SCAI: variants seen among roughly 807,000 people sequenced by gnomAD.
The protein encoded by SCAI is suppressor of cancer cell invasion.
A neutral mutation model predicts 92.2 loss-of-function variants in SCAI; 24 were observed. The observed-to-expected ratio is 0.26, with a 90% CI of 0.19 to 0.37. The LOEUF is 0.37. Among genes scored for constraint, SCAI ranks in the 10% least tolerant of loss-of-function variants. SCAI has a pLI of 1.00. For synonymous variants in SCAI, 261 were observed against 258.6 expected (o/e 1.01, Z -0.09); for missense variants, 450 against 736.2 (o/e 0.61, Z 4.50).
At chr9:125,031,269 T>C (rs1018250357) in intron 3 of SCAI, among the ~76,000 whole-genome samples, 1 of 152,162 alleles carries the variant, frequency 6.6e-6, no homozygotes, top group East Asian at 1.9e-4. Flanking sequence ...GGTCACTTTT[T>C]TTTTTTTTTG....
intron 3 of SCAI, among the ~76,000 whole-genome samples, chr9:125,044,979 A>G (rs913424120): frequency 6.6e-6 from 1 of 152,202 alleles, no homozygotes; most frequent in African/African-American, 2.4e-5. Flanking sequence ...GGCTGTGCAC[A>G]GTGGCCAGAC....
At chr9:125,126,239 T>C (rs149479496) in intron 2 of SCAI, among the ~76,000 whole-genome samples, 1 of 152,294 alleles carries the variant, frequency 6.6e-6, no homozygotes, top group Non-Finnish European at 1.5e-5. Context: ...ACATCCAAGC[T>C]AGCTGTTGTG....
At chr9:125,101,650 G>A (rs1033923762) in intron 2 of SCAI, among the ~76,000 whole-genome samples, 7 of 152,190 alleles carry the variant, frequency 4.6e-5, no homozygotes, top group African/African-American at 1.7e-4. Context: ...CTAGAGTTCA[G>A]GGGAATGGTA....
intron 2 of SCAI, among the ~76,000 whole-genome samples, chr9:125,076,585 G>T (rs962940119): frequency 1.3e-5 from 2 of 149,400 alleles, no homozygotes; most frequent in African/African-American, 4.9e-5. Context: ...AAACATGGAT[G>T]GCTGGGTGGT....
chr9:125,022,840 T>G (rs185467190), intron 6 of SCAI, among the ~76,000 whole-genome samples: 80 of 152,216 alleles, frequency 5.3e-4, no homozygotes, highest in Non-Finnish European at 9.4e-4. Context: ...TGTTTCTATT[T>G]TATTATTTTG....
At chr9:125,011,786 G>A (rs898546655) in intron 9 of SCAI, among the ~76,000 whole-genome samples, 1 of 152,206 alleles carries the variant, frequency 6.6e-6, no homozygotes, top group Non-Finnish European at 1.5e-5. Context: ...CAGATAGAAA[G>A]GTCGGGTTAC....
chr9:125,025,465 A>ATTACT (rs1832948926), intron 6 of SCAI, among the ~76,000 whole-genome samples: 1 of 152,232 alleles, frequency 6.6e-6, no homozygotes, highest in South Asian at 2.1e-4. Context: ...GTGTTTTGCT[A>ATTACT]TTACTTAAAA....
intron 14 of SCAI, among the ~76,000 whole-genome samples, chr9:124,992,644 A>T (rs1564369890): frequency 6.6e-6 from 1 of 152,070 alleles, no homozygotes; most frequent in Non-Finnish European, 1.5e-5. Flanking sequence ...TCAGCCTCCC[A>T]AAGTGCTGGG....
intron 2 of SCAI, among the ~76,000 whole-genome samples, chr9:125,093,297 G>A (rs1360294449): frequency 6.6e-6 from 1 of 152,042 alleles, no homozygotes; most frequent in East Asian, 1.9e-4. Context: ...GGAGGGGAAG[G>A]CTGCAGTGAG....
intron 2 of SCAI, among the ~76,000 whole-genome samples, chr9:125,133,754 G>C (rs775038850): frequency 6.6e-6 from 1 of 151,536 alleles, no homozygotes; most frequent in Non-Finnish European, 1.5e-5. Flanking sequence ...AAAAAAAAAA[G>C]AAAGAATCAC....
chr9:125,120,570 G>A (rs1835137014), intron 2 of SCAI, among the ~76,000 whole-genome samples: 1 of 152,196 alleles, frequency 6.6e-6, no homozygotes, highest in East Asian at 1.9e-4. Context: ...GCAGGCGCCT[G>A]TAATCCCAGC....
At chr9:125,007,683 G>C (rs911931585) in intron 9 of SCAI, among the ~76,000 whole-genome samples, 1 of 151,954 alleles carries the variant, frequency 6.6e-6, no homozygotes, top group Non-Finnish European at 1.5e-5. Context: ...TTTTAAGACA[G>C]GGTCTGCTTC....
At chr9:125,120,757 C>G (rs1158428963) in intron 2 of SCAI, among the ~76,000 whole-genome samples, 1 of 152,050 alleles carries the variant, frequency 6.6e-6, no homozygotes, top group Non-Finnish European at 1.5e-5. Flanking sequence ...GCCTGTAGTT[C>G]CAGCTACTCA....
At chr9:125,113,870 G>A (rs1834982780) in intron 2 of SCAI, among the ~76,000 whole-genome samples, 1 of 152,114 alleles carries the variant, frequency 6.6e-6, no homozygotes, top group Non-Finnish European at 1.5e-5. Context: ...GATGAGGCGG[G>A]AGAATAGCTT....
chr9:125,003,550 A>G lies in SCAI; in HGVS notation c.882T>C (p.Thr294=), dbSNP rs780766085. The change falls in exon 10 of 18, where the codon ACT becomes ACC. Residue 294 remains threonine (T), a synonymous_variant. Transcript: ENST00000336505. ...CNNQVKFSEL[T]VDMFRMLQAL... ...CTTGTAACATCCGGAACATGTCAACAGTTAGTTCACTGAACTTAACCTGCA... is the reference window on the plus strand; with the variant it reads ...CTTGTAACATCCGGAACATGTCAACGGTTAGTTCACTGAACTTAACCTGCA... 1 of 1,611,554 alleles carries G rather than the reference A, an allele frequency of 6.2e-7. No homozygotes were observed. The highest frequency in any genetic ancestry group is 1.7e-5 in the Admixed American group (1 of 59,990).
At chr9:124,994,859 G>C in intron 14 of SCAI, 75 bp downstream of exon 14, 1 of 815,276 alleles carries the variant, frequency 1.2e-6, no homozygotes, top group Non-Finnish European at 2.0e-6. Context: ...AAAATAAAAA[G>C]GCACACATTA....
At chr9:125,061,835 AG>A in intron 2 of SCAI, among the ~76,000 whole-genome samples, 1 of 152,292 alleles carries the variant, frequency 6.6e-6, no homozygotes, top group East Asian at 1.9e-4. Flanking sequence ...GCAGAACAAA[AG>A]GAAGAGTGTC....
chr9:125,066,009 A>ATCTT (rs1833861680), intron 2 of SCAI: 1 of 771,836 alleles, frequency 1.3e-6, no homozygotes, highest in South Asian at 1.4e-5. Flanking sequence ...AAATGTTGAT[A>ATCTT]TCTTTCCCCT....
At chr9:125,116,232 G>T (rs545826246) in intron 2 of SCAI, among the ~76,000 whole-genome samples, 23 of 152,140 alleles carry the variant, frequency 1.5e-4, no homozygotes, top group Admixed American at 1.1e-3. Flanking sequence ...ATATGCTTTT[G>T]TGTATATATT....
Sources: allele counts gnomAD v4.1 joint callset (sites outside exome capture counted in the v4.1 genomes callset), GRCh38; gene constraint gnomAD v4.1.1; transcripts MANE v1.5; gene names NCBI Gene and HGNC (gene_info 2026-07-23, HGNC 2026-07-21).